Variants in DYNC1I2 observed in about 807,000 individuals in gnomAD.
The protein encoded by DYNC1I2 is dynein cytoplasmic 1 intermediate chain 2, also known as cytoplasmic dynein 1 intermediate chain 2.
DYNC1I2 carries 53 observed loss-of-function variants against 88.6 expected under a neutral mutation model. The observed-to-expected ratio is 0.60, with a 90% CI of 0.48 to 0.75. The LOEUF (loss-of-function observed/expected upper bound fraction) is 0.75, where lower values mean the gene tolerates loss of function less well. Ranked by LOEUF, DYNC1I2 falls within the 30% of genes least tolerant of loss-of-function variation. The pLI, the probability that DYNC1I2 is intolerant of heterozygous loss-of-function variation, is 0.00. For synonymous variants in DYNC1I2, 198 were observed against 254.6 expected, an observed-to-expected ratio of 0.78 and a Z score of 2.12; for missense variants, 458 against 766.6, an observed-to-expected ratio of 0.60 and a Z score of 4.75.
chr2:171,715,046 T>C (rs528387318), intron 6 of DYNC1I2, among the ~76,000 whole-genome samples: 5 of 152,286 alleles, frequency 3.3e-5, no homozygotes, highest in Admixed American at 3.3e-4. Flanking sequence ...GTTCCTATTC[T>C]CTTACTTCAT....
At chr2:171,692,722 C>A in intron 2 of DYNC1I2, 55 bp from the exon 3 acceptor site, 2 of 1,312,924 alleles carry the variant, frequency 1.5e-6, no homozygotes, top group Non-Finnish European at 1.0e-6. Flanking sequence ...AACATTTTTG[C>A]AAACAAATTT....
At chr2:171,706,836 T>C (rs1417729128) in intron 4 of DYNC1I2, 1 of 426,706 alleles carries the variant, frequency 2.3e-6, no homozygotes, top group Admixed American at 4.0e-5. Context: ...TTAAAATAAA[T>C]CTTGAGAAAC....
At chr2:171,726,503 G>A (rs2105687900) in intron 10 of DYNC1I2, 1 of 549,864 alleles carries the variant, frequency 1.8e-6, no homozygotes, top group Non-Finnish European at 3.0e-6. Flanking sequence ...AGGACTTTAT[G>A]ATACAGGCCA....
rs187021347 is a variant in DYNC1I2, at chr2:171,712,983, G to A, written c.395+157G>A. On this transcript the variant is annotated intron_variant, in intron 6 of 17. Coordinates refer to ENST00000397119, the MANE Select transcript of DYNC1I2 (RefSeq NM_001378.3). ...ACACCTCATTTATCCAGTATCTTTA[G>A]TGAAAGAATATTCTGTGTGATGTTC... Among the ~76,000 whole-genome samples, 10 of 152,220 alleles carry A rather than the reference G, an allele frequency of 6.6e-5. No individual in the cohort carries two copies. The East Asian group carries it at 1.9e-3, about 29-fold the overall frequency.
chr2:171,732,805 C>T (rs527661523), intron 15 of DYNC1I2, among the ~76,000 whole-genome samples: 4 of 152,174 alleles, frequency 2.6e-5, no homozygotes, highest in Non-Finnish European at 4.4e-5. Flanking sequence ...TCACAGGAGA[C>T]ACATTTTTGT....
At position 171,715,318 on chromosome 2, in the gene DYNC1I2, CTTAA is replaced by C. The variant is rs1462875808; in HGVS notation, c.396-7_396-4del. The C allele has an allele frequency of 2.0e-6, 3 of 1,522,560 alleles. No individual in the cohort carries two copies. The highest frequency in any genetic ancestry group is 2.7e-6 in the Non-Finnish European group (3 of 1,120,764). 94.3% of individuals were successfully genotyped at this position (1,522,560 alleles called of 1,614,324 possible). On this transcript the variant is annotated splice_polypyrimidine_tract_variant and splice_region_variant and intron_variant, in intron 6 of 17. Coordinates refer to ENST00000397119, the MANE Select transcript of DYNC1I2 (RefSeq NM_001378.3). ...GTTAAAATTGTGTTGTTTGTATTTA[CTTAA>C]TTTAGACGAGGACCTATTAAACTTG...
rs1687412300 is a variant in DYNC1I2 at position 171,715,331 on chromosome 2, A to G, written c.399A>G (p.Arg133=). Residue 133 remains arginine (R), a synonymous_variant, in exon 7 of 18, where the codon CGA becomes CGG. Coordinates refer to ENST00000397119, the MANE Select transcript of DYNC1I2 (RefSeq NM_001378.3). ...TGTTTGTATTTACTTAATTTAGACG[A>G]GGACCTATTAAACTTGGAATGGCTA... is the stretch of plus-strand genomic sequence containing the variant. ...LQLHSDSDLG[R]GPIKLGMAKI... 6.5e-7 allele frequency: 1 copy of G among 1,548,176 alleles called. No homozygotes were observed.
chr2:171,714,572 T>G lies in DYNC1I2; in HGVS notation c.396-756T>G, dbSNP rs144427906. The stretch of plus-strand genomic sequence containing the variant: ...AAGATCTCCCAGATAGCTAATAAAA[T>G]ATATTTTTCTTTTGGTTCATTTTCC... On this transcript the variant is annotated intron_variant, in intron 6 of 17. Transcript: ENST00000397119. Among the ~76,000 whole-genome samples, 107 of 152,242 alleles carry G rather than the reference T, an allele frequency of 7.0e-4. 1 individual carries two copies. In the East Asian group the frequency reaches 0.017, roughly 24 times the overall value.
intron 3 of DYNC1I2, among the ~76,000 whole-genome samples, chr2:171,699,813 T>A (rs993570437): frequency 2.0e-4 from 31 of 151,446 alleles, no homozygotes; most frequent in Non-Finnish European, 3.2e-4. Flanking sequence ...GTTTAAAAAA[T>A]TTTTTTTTGT....
At chr2:171,721,121 TAAAAAAAAAAA>T (rs1170082849) in intron 7 of DYNC1I2, among the ~76,000 whole-genome samples, 11 of 60,778 alleles carry the variant, frequency 1.8e-4, no homozygotes, top group Admixed American at 4.2e-4. Context: ...CCCCATCTCT[TAAAAAAAAAAA>T]AAAAAAAAAA....
intron 7 of DYNC1I2, among the ~76,000 whole-genome samples, chr2:171,724,407 T>C (rs911270248): frequency 1.3e-4 from 20 of 152,142 alleles, no homozygotes; most frequent in South Asian, 1.2e-3. Context: ...AGGCCTGCCA[T>C]TGGGGAGAGA....
At position 171,733,193 on chromosome 2, in the gene DYNC1I2, G is replaced by A. The variant is rs973048573; in HGVS notation, c.1536+3340G>A. 3.3e-5 allele frequency among the ~76,000 whole-genome samples: 5 copies of A among 152,118 alleles called. No homozygotes were observed. In the East Asian group the frequency reaches 5.8e-4, roughly 18 times the overall value. ...TGATCTCATTCCTTCTTATGGCTTCGTAGTATTCTGTGGTGTATATGTACC... is the reference window on the plus strand; with the variant it reads ...TGATCTCATTCCTTCTTATGGCTTCATAGTATTCTGTGGTGTATATGTACC... On this transcript the variant is annotated intron_variant, in intron 15 of 17. Transcript: ENST00000397119.
At chr2:171,711,346 T>C (rs1448474580) in intron 5 of DYNC1I2, among the ~76,000 whole-genome samples, 1 of 152,140 alleles carries the variant, frequency 6.6e-6, no homozygotes, top group Non-Finnish European at 1.5e-5. Flanking sequence ...GCTTTGTACT[T>C]GGAATTGTAC....
intron 7 of DYNC1I2, among the ~76,000 whole-genome samples, chr2:171,717,294 T>C (rs1221045829): frequency 1.3e-5 from 2 of 151,986 alleles, no homozygotes; most frequent in African/African-American, 4.8e-5. Flanking sequence ...TTTGTATTTT[T>C]AGTAGAGATA....
chr2:171,721,660 G>T (rs916809366), intron 7 of DYNC1I2, among the ~76,000 whole-genome samples: 38 of 152,108 alleles, frequency 2.5e-4, no homozygotes, highest in Non-Finnish European at 2.8e-4. Flanking sequence ...TTTATATGCA[G>T]CAAATGTCCT....
At chr2:171,715,533 C>G in intron 7 of DYNC1I2, 90 bp downstream of exon 7, 3 of 895,404 alleles carry the variant, frequency 3.4e-6, no homozygotes, top group Non-Finnish European at 1.7e-6. Flanking sequence ...TGTTTTGTTT[C>G]TTTTTTGCTT....
intron 2 of DYNC1I2, among the ~76,000 whole-genome samples, chr2:171,690,651 T>TG (rs1298698924): frequency 1.3e-5 from 2 of 150,812 alleles, no homozygotes; most frequent in Admixed American, 6.6e-5. Flanking sequence ...TTTTTTGTTT[T>TG]GGGTTTTTTT....
intron 3 of DYNC1I2, among the ~76,000 whole-genome samples, chr2:171,700,214 G>A (rs1191861972): frequency 6.6e-6 from 1 of 152,114 alleles, no homozygotes; most frequent in African/African-American, 2.4e-5. Context: ...CATCCTCGTG[G>A]GCCACTCCAC....
intron 6 of DYNC1I2, among the ~76,000 whole-genome samples, chr2:171,714,907 C>G (rs575387767): frequency 6.6e-6 from 1 of 152,052 alleles, no homozygotes; most frequent in Non-Finnish European, 1.5e-5. Context: ...CTGAATTCTC[C>G]TAGTGGCACA....
Sources: allele counts gnomAD v4.1 joint callset (sites outside exome capture counted in the v4.1 genomes callset), GRCh38; gene constraint gnomAD v4.1.1; transcripts MANE v1.5; gene names NCBI Gene and HGNC (gene_info 2026-07-23, HGNC 2026-07-21).